FNDC3A: variants seen among roughly 807,000 people sequenced by gnomAD.
FNDC3A encodes fibronectin type-III domain-containing protein 3A.
In FNDC3A, 32 loss-of-function variants were observed where a neutral mutation model predicts 148.9. The ratio of observed to expected loss-of-function variants is 0.21; its 90% CI spans 0.16 to 0.29. The LOEUF is 0.29. Ranked by LOEUF, FNDC3A falls within the 10% of genes least tolerant of loss-of-function variation. The pLI, the probability that FNDC3A is intolerant of heterozygous loss-of-function variation, is 1.00. For missense variants in FNDC3A, 1,191 were observed against 1,452.8 expected (o/e 0.82, Z 2.93); for synonymous variants, 472 against 473.6 (o/e 1.00, Z 0.04).
chr13:49,175,570 G>C, intron 13 of FNDC3A, 29 bp downstream of exon 13: 3 of 1,478,372 alleles, frequency 2.0e-6, no homozygotes, highest in Non-Finnish European at 2.8e-6. Flanking sequence ...TTTAAATAGT[G>C]TATTTAAAAC....
intron 2 of FNDC3A, among the ~76,000 whole-genome samples, chr13:49,048,659 A>G (rs990569962): frequency 6.6e-6 from 1 of 152,112 alleles, no homozygotes; most frequent in African/African-American, 2.4e-5. Context: ...ATTTGTGTAT[A>G]TTAATTTTGT....
At chr13:49,181,666 C>G (rs1885310066) in intron 14 of FNDC3A, among the ~76,000 whole-genome samples, 1 of 151,982 alleles carries the variant, frequency 6.6e-6, no homozygotes, top group African/African-American at 2.4e-5. Context: ...CCTTTTCTAG[C>G]TAGATATTGC....
intron 2 of FNDC3A, among the ~76,000 whole-genome samples, chr13:49,040,853 A>G (rs1041965208): frequency 2.0e-5 from 3 of 152,220 alleles, no homozygotes; most frequent in African/African-American, 7.2e-5. Flanking sequence ...CTTGGTTTAC[A>G]GGATTTTTGT....
intron 4 of FNDC3A, among the ~76,000 whole-genome samples, chr13:49,129,539 C>T (rs957322572): frequency 3.9e-5 from 6 of 152,128 alleles, no homozygotes; most frequent in African/African-American, 1.2e-4. Flanking sequence ...GTGTTCGTTC[C>T]TGTAGGGTAG....
chr13:49,033,726 T>A (rs937465063), intron 2 of FNDC3A, among the ~76,000 whole-genome samples: 4 of 151,958 alleles, frequency 2.6e-5, no homozygotes, highest in African/African-American at 7.3e-5. Flanking sequence ...ATTTAATACA[T>A]CAGTCATATT....
intron 2 of FNDC3A, among the ~76,000 whole-genome samples, chr13:49,013,575 T>C (rs1200740838): frequency 1.3e-5 from 2 of 151,718 alleles, no homozygotes; most frequent in Non-Finnish European, 2.9e-5. Flanking sequence ...TGTATACATG[T>C]ACATGTGTAT....
At chr13:49,120,238 C>T (rs2137893570) in intron 4 of FNDC3A, among the ~76,000 whole-genome samples, 1 of 152,314 alleles carries the variant, frequency 6.6e-6, no homozygotes, top group South Asian at 2.1e-4. Context: ...TCCAACCAAA[C>T]TAAGCTTCAT....
intron 23 of FNDC3A, among the ~76,000 whole-genome samples, chr13:49,199,666 C>G (rs553073418): frequency 6.6e-6 from 1 of 152,248 alleles, no homozygotes; most frequent in African/African-American, 2.4e-5. Flanking sequence ...TCGTTCCTGG[C>G]CTCTGAGATC....
chr13:49,172,187 ATTC>A (rs1366446718), intron 11 of FNDC3A, 91 bp downstream of exon 11: 2 of 743,520 alleles, frequency 2.7e-6, no homozygotes, highest in African/African-American at 1.8e-5. Context: ...CATCAAGTAT[ATTC>A]TTCTGTCAAA....
intron 10 of FNDC3A, 64 bp downstream of exon 10, chr13:49,168,815 T>A: frequency 6.9e-7 from 1 of 1,439,906 alleles, no homozygotes; most frequent in South Asian, 1.2e-5. Context: ...CTGGTAGTAT[T>A]AAGTTTCAAT....
chr13:49,005,264 C>T (rs1485354934), intron 1 of FNDC3A, among the ~76,000 whole-genome samples: 5 of 151,530 alleles, frequency 3.3e-5, no homozygotes, highest in Non-Finnish European at 5.9e-5. Context: ...AAAAGTTAAC[C>T]CTCTTGACAC....
intron 7 of FNDC3A, among the ~76,000 whole-genome samples, chr13:49,145,144 C>G (rs184311135): frequency 6.4e-4 from 98 of 152,174 alleles, no homozygotes; most frequent in African/African-American, 2.0e-3. Context: ...ATTTCTGAAT[C>G]AAAAAGTAAA....
chr13:49,141,806 A>C (rs1882706785), intron 7 of FNDC3A, among the ~76,000 whole-genome samples: 1 of 152,012 alleles, frequency 6.6e-6, no homozygotes, highest in South Asian at 2.1e-4. Context: ...AGCTATTTTC[A>C]TTTTTTCCTG....
intron 2 of FNDC3A, among the ~76,000 whole-genome samples, chr13:49,063,018 T>G (rs543833292): frequency 6.6e-6 from 1 of 152,342 alleles, no homozygotes; most frequent in East Asian, 1.9e-4. Flanking sequence ...TTTCTTAGTT[T>G]TATTTCTTTT....
chr13:49,055,732 A>G (rs1454363608), intron 2 of FNDC3A, among the ~76,000 whole-genome samples: 2 of 151,952 alleles, frequency 1.3e-5, no homozygotes, highest in Non-Finnish European at 2.9e-5. Context: ...GATCGAACCA[A>G]TATATATCTT....
At chr13:49,058,574 A>G (rs967074574) in intron 2 of FNDC3A, among the ~76,000 whole-genome samples, 4 of 152,176 alleles carry the variant, frequency 2.6e-5, no homozygotes, top group Non-Finnish European at 5.9e-5. Context: ...CACAAGGGAA[A>G]TAGGTAAGGA....
intron 3 of FNDC3A, among the ~76,000 whole-genome samples, chr13:49,079,949 G>A (rs1878363589): frequency 1.3e-5 from 2 of 152,042 alleles, no homozygotes; most frequent in African/African-American, 4.8e-5. Flanking sequence ...TGAGCAGTTA[G>A]GACTGCAGGT....
chr13:49,159,368 T>C (rs1883939570), intron 8 of FNDC3A, among the ~76,000 whole-genome samples: 2 of 152,354 alleles, frequency 1.3e-5, no homozygotes, highest in South Asian at 2.1e-4. Context: ...AGGTATTTTA[T>C]TCTCTTTGAA....
At chr13:49,131,578 G>A (rs1882039028) in intron 5 of FNDC3A, among the ~76,000 whole-genome samples, 1 of 152,122 alleles carries the variant, frequency 6.6e-6, no homozygotes, top group Non-Finnish European at 1.5e-5. Context: ...AATCAAAGAA[G>A]GGAAGTAACT....
Sources: gnomAD v4.1 joint callset for allele counts (sites outside exome capture counted in the v4.1 genomes callset) on GRCh38, gnomAD v4.1.1 for gene constraint, MANE v1.5 for transcripts, NCBI Gene and HGNC (gene_info 2026-07-23, HGNC 2026-07-21) for gene names.